Variants in SLC1A2 observed in about 807,000 individuals in gnomAD.
SLC1A2 encodes solute carrier family 1 member 2.
SLC1A2 carries 15 observed loss-of-function variants against 48.8 expected under a neutral mutation model. The ratio of observed to expected loss-of-function variants is 0.31; its 90% CI spans 0.21 to 0.47. The LOEUF (loss-of-function observed/expected upper bound fraction) is 0.47. Ranked by LOEUF, SLC1A2 falls within the 20% of genes least tolerant of loss-of-function variation. The pLI is 0.99. For missense variants in SLC1A2, 502 were observed against 730.5 expected, an observed-to-expected ratio of 0.69 and a Z score of 3.61; for synonymous variants, 279 against 272.6, an observed-to-expected ratio of 1.02 and a Z score of -0.23.
chr11:35,336,587 T>G (rs1852640225), intron 1 of SLC1A2, among the ~76,000 whole-genome samples: 1 of 152,040 alleles, frequency 6.6e-6, no homozygotes, highest in African/African-American at 2.4e-5. Flanking sequence ...ACAGATAGAG[T>G]GCTATTATTA....
chr11:35,265,669 A>G lies in SLC1A2; in HGVS notation c.1511T>C (p.Ile504Thr), dbSNP rs376729426. 1.1e-5 allele frequency: 18 copies of G among 1,613,312 alleles called. No individual in the cohort carries two copies. Among genetic ancestry groups the G allele is most frequent in the Non-Finnish European group, 1.4e-5 (17 of 1,179,340 alleles). The change falls in exon 10 of 11, where the codon ATT becomes ACT. Residue 504 changes from isoleucine to threonine, a missense_variant. Physicochemically the swap from Ile to Thr is moderately conservative, Grantham distance 89. Transcript: ENST00000278379. ...YHLSKSELDT[I>T]DSQHRVHEDI... The stretch of plus-strand genomic sequence containing the variant: ...TTCATGCACTCGATGCTGGGAGTCA[A>G]TGGTATCCAGCTCAGACTTGGAGAG...
At chr11:35,331,558 G>A (rs750873931) in intron 1 of SLC1A2, among the ~76,000 whole-genome samples, 1 of 152,196 alleles carries the variant, frequency 6.6e-6, no homozygotes, top group Non-Finnish European at 1.5e-5. Flanking sequence ...CTTAAGAGAA[G>A]AATGTATATT....
rs372043947 is a variant in SLC1A2 at position 35,263,068 on chromosome 11, A to C, written c.1654-2103T>G. On this transcript the variant is annotated intron_variant, in intron 10 of 10. Coordinates refer to ENST00000278379, the MANE Select transcript of SLC1A2 (RefSeq NM_004171.4). The stretch of plus-strand genomic sequence containing the variant: ...AGACACTATTTTAGGGCTGGGTCAC[A>C]GTAGTATAACTGGGGACAAAGCCTT... 1.3e-4 allele frequency among the ~76,000 whole-genome samples: 20 copies of C among 152,366 alleles called. No homozygotes were observed. In the South Asian group the frequency reaches 3.9e-3, roughly 30 times the overall value.
At chr11:35,417,503 G>A (rs116884179) in intron 1 of SLC1A2, among the ~76,000 whole-genome samples, 2,334 of 152,304 alleles carry the variant, frequency 0.015, 33 homozygotes, top group Non-Finnish European at 0.023. Context: ...TAATATAAAA[G>A]CCTTTTTAAC....
intron 1 of SLC1A2, among the ~76,000 whole-genome samples, chr11:35,378,117 G>C (rs1854301710): frequency 6.6e-6 from 1 of 152,228 alleles, no homozygotes; most frequent in South Asian, 2.1e-4. Flanking sequence ...AACATAATCA[G>C]CACCACCACT....
intron 1 of SLC1A2, among the ~76,000 whole-genome samples, chr11:35,388,822 T>G (rs571170559): frequency 7.9e-5 from 12 of 152,338 alleles, no homozygotes; most frequent in Non-Finnish European, 1.5e-4. Context: ...GCAGGTGGAA[T>G]TACCCTAAAT....
chr11:35,417,885 C>G (rs1191760048), intron 1 of SLC1A2, among the ~76,000 whole-genome samples: 1 of 152,184 alleles, frequency 6.6e-6, no homozygotes, highest in Non-Finnish European at 1.5e-5. Context: ...AACAAGCCTG[C>G]GGAGTTGGTA....
intron 1 of SLC1A2, among the ~76,000 whole-genome samples, chr11:35,385,908 C>G (rs998270138): frequency 6.6e-6 from 1 of 152,196 alleles, no homozygotes; most frequent in African/African-American, 2.4e-5. Flanking sequence ...TGGCTCAAGC[C>G]TGTAATCCCA....
In SLC1A2 at chr11:35,256,537, T is replaced by C. The variant is rs1005068023; in HGVS notation, c.*4357A>G. 8.5e-5 allele frequency: 13 copies of C among 152,508 alleles called. No homozygotes were observed. The highest frequency in any genetic ancestry group is 3.1e-4 in the African/African-American group (13 of 41,410). The allele number at this position is 152,508 out of a possible 1,614,324, so 9.4% of individuals were successfully genotyped here. ...GATCCCTCTAGGCTTAACCAGAAAT[T>C]ACTACAGATACTGAGACCATTTATC... On this transcript the variant is annotated 3_prime_UTR_variant, in exon 11 of 11. Transcript: ENST00000278379.
chr11:35,312,399 G>A lies in SLC1A2; in HGVS notation c.360C>T (p.Ala120=), dbSNP rs758187440. The change falls in exon 4 of 11, where the codon GCC becomes GCT. Residue 120 remains alanine, a synonymous_variant. Coordinates refer to ENST00000278379, the MANE Select transcript of SLC1A2 (RefSeq NM_004171.4). ...AKASGRLGTR[A]MVYYMSTTII... is the part of the protein sequence containing the mutation. The stretch of plus-strand genomic sequence containing the variant: ...TGGTCGTGGACATGTAATACACCAT[G>A]GCTCTCGTGCCCAAGCGGCCACTAG... 1 of 1,614,110 alleles carries A rather than the reference G, an allele frequency of 6.2e-7. No individual in the cohort carries two copies. The highest frequency in any genetic ancestry group is 1.1e-5 in the South Asian group (1 of 91,082).
At chr11:35,270,932 C>T (rs1850263736) in intron 9 of SLC1A2, among the ~76,000 whole-genome samples, 2 of 152,078 alleles carry the variant, frequency 1.3e-5, no homozygotes, top group South Asian at 4.2e-4. Context: ...TAATGAAGAG[C>T]CATTGAAAGA....
intron 1 of SLC1A2, among the ~76,000 whole-genome samples, chr11:35,377,460 CT>C (rs2135189662): frequency 6.6e-6 from 1 of 152,302 alleles, no homozygotes; most frequent in Admixed American, 6.5e-5. Flanking sequence ...GTCATTCCAT[CT>C]GTTCGTTACC....
At chr11:35,296,794 G>C (rs1193132994) in intron 6 of SLC1A2, among the ~76,000 whole-genome samples, 2 of 152,082 alleles carry the variant, frequency 1.3e-5, no homozygotes, top group Non-Finnish European at 2.9e-5. Context: ...ACAGCACCAC[G>C]TGGGCCATCA....
At chr11:35,377,251 T>C (rs1854270938) in intron 1 of SLC1A2, among the ~76,000 whole-genome samples, 1 of 152,144 alleles carries the variant, frequency 6.6e-6, no homozygotes, top group South Asian at 2.1e-4. Context: ...AGCAGTAAAG[T>C]TGGGATAGAG....
chr11:35,269,451 C>G (rs1011150583), intron 9 of SLC1A2, among the ~76,000 whole-genome samples: 3 of 152,216 alleles, frequency 2.0e-5, no homozygotes, highest in African/African-American at 7.2e-5. Flanking sequence ...TCATTATGTG[C>G]TGGGTCCTAC....
intron 3 of SLC1A2, 133 bp downstream of exon 3, chr11:35,314,890 G>A: frequency 1.7e-6 from 1 of 596,982 alleles, no homozygotes; most frequent in Admixed American, 2.6e-5. Context: ...TTCAGAGACG[G>A]GAAAACCAAA....
intron 1 of SLC1A2, among the ~76,000 whole-genome samples, chr11:35,358,270 T>C (rs1010993106): frequency 2.0e-5 from 3 of 152,226 alleles, no homozygotes; most frequent in Admixed American, 1.3e-4. Context: ...TTATCTCTAG[T>C]TGAAGAAATT....
chr11:35,332,946 G>A (rs576667534), intron 1 of SLC1A2, among the ~76,000 whole-genome samples: 4 of 152,096 alleles, frequency 2.6e-5, no homozygotes, highest in South Asian at 4.2e-4. Context: ...TTCAGTTCTC[G>A]CTCTTAACTT....
At chr11:35,356,607 T>C (rs1167416487) in intron 1 of SLC1A2, among the ~76,000 whole-genome samples, 4 of 152,252 alleles carry the variant, frequency 2.6e-5, no homozygotes, top group Non-Finnish European at 1.5e-5. Context: ...TCAAGGATCC[T>C]TCTCAGACAT....
Sources: gnomAD v4.1 joint callset for allele counts (sites outside exome capture counted in the v4.1 genomes callset) on GRCh38, gnomAD v4.1.1 for gene constraint, MANE v1.5 for transcripts, NCBI Gene and HGNC (gene_info 2026-07-23, HGNC 2026-07-21) for gene names.